Variants in DHX57 observed in about 807,000 individuals in gnomAD.
DHX57 encodes DExH-box helicase 57.
DHX57 carries 105 observed loss-of-function variants against 156.2 expected under a neutral mutation model. The observed-to-expected ratio is 0.67, with a 90% CI of 0.57 to 0.79. The LOEUF (loss-of-function observed/expected upper bound fraction) is 0.79. Among genes scored for constraint, DHX57 ranks in the 30% least tolerant of loss-of-function variants. The pLI, the probability that DHX57 is intolerant of heterozygous loss-of-function variation, is 0.00. For synonymous variants in DHX57, 704 were observed against 595.6 expected, an observed-to-expected ratio of 1.18 and a Z score of -2.65; for missense variants, 1,847 against 1,661.9, an observed-to-expected ratio of 1.11 and a Z score of -1.94.
chr2:38,850,965 T>C (rs577484025), intron 9 of DHX57, among the ~76,000 whole-genome samples: 1 of 151,990 alleles, frequency 6.6e-6, no homozygotes, highest in African/African-American at 2.4e-5. Flanking sequence ...TAGTTGCGGC[T>C]ACTTGGGAGG....
At chr2:38,815,071 C>CT (rs370170763) in intron 20 of DHX57, among the ~76,000 whole-genome samples, 28,357 of 144,312 alleles carry the variant, frequency 0.2, 3,341 homozygotes, top group Admixed American at 0.26. Context: ...TTTTTTTATA[C>CT]TTTTTTTTTT....
intron 14 of DHX57, among the ~76,000 whole-genome samples, chr2:38,827,234 GA>G: frequency 6.6e-6 from 1 of 151,638 alleles, no homozygotes; most frequent in Non-Finnish European, 1.5e-5. Flanking sequence ...ACCAACTTGG[GA>G]AAAATGTTGG....
At chr2:38,848,729 A>G (rs754002815) in intron 9 of DHX57, among the ~76,000 whole-genome samples, 2 of 152,214 alleles carry the variant, frequency 1.3e-5, no homozygotes. Context: ...TATATACCTT[A>G]TATACACAGC....
At chr2:38,842,956 A>G (rs538033637) in intron 12 of DHX57, 49 bp downstream of exon 12, 3 of 1,572,410 alleles carry the variant, frequency 1.9e-6, no homozygotes, top group South Asian at 2.2e-5. Context: ...AAGAAAGAAT[A>G]CTAGAAATCT....
intron 22 of DHX57, 43 bp from the exon 23 acceptor site, chr2:38,802,958 A>C (rs749308408): frequency 6.2e-7 from 1 of 1,609,046 alleles, no homozygotes; most frequent in South Asian, 1.1e-5. Flanking sequence ...TGTCACTGGC[A>C]ACAAAAAGGG....
intron 23 of DHX57, among the ~76,000 whole-genome samples, chr2:38,799,881 C>T (rs1242394387): frequency 2.0e-5 from 3 of 151,772 alleles, no homozygotes; most frequent in African/African-American, 2.4e-5. Flanking sequence ...GGTGAAACTC[C>T]GTCTCTAATA....
chr2:38,840,810 G>C (rs952467459), intron 12 of DHX57, among the ~76,000 whole-genome samples: 4 of 151,952 alleles, frequency 2.6e-5, no homozygotes, highest in African/African-American at 9.7e-5. Context: ...CCAAAATTTT[G>C]AAAGAAGCCA....
intron 10 of DHX57, among the ~76,000 whole-genome samples, chr2:38,847,296 C>T (rs1301291369): frequency 1.3e-5 from 2 of 152,252 alleles, no homozygotes; most frequent in East Asian, 3.9e-4. Context: ...TGATCCTTTG[C>T]TAAGACTTTT....
At chr2:38,799,437 CAA>C (rs772099726) in intron 23 of DHX57, among the ~76,000 whole-genome samples, 7 of 95,630 alleles carry the variant, frequency 7.3e-5, no homozygotes, top group Non-Finnish European at 9.6e-5. Flanking sequence ...CTTGTTGTCT[CAA>C]AAAAAAAAAA....
In DHX57 at chr2:38,798,276, C is replaced by G; in HGVS notation, c.*23G>C. On this transcript the variant is annotated 3_prime_UTR_variant, in exon 24 of 24. Transcript: ENST00000457308. The stretch of plus-strand genomic sequence containing the variant: ...AGGTGAGCTAGAAGCAGGTGAGTAG[C>G]AAGCACTCTCTAAGACTGCTTTTTA... 1 of 1,600,150 alleles carries G rather than the reference C, an allele frequency of 6.2e-7. No individual in the cohort carries two copies. Among genetic ancestry groups the G allele is most frequent in the Non-Finnish European group, 8.5e-7 (1 of 1,174,612 alleles).
chr2:38,859,090 G>A (rs761289469), intron 5 of DHX57, among the ~76,000 whole-genome samples: 7 of 152,150 alleles, frequency 4.6e-5, no homozygotes, highest in African/African-American at 7.2e-5. Context: ...TCAACTGTAC[G>A]CAAGTGTCCC....
chr2:38,871,772 T>C (rs1320128612), intron 1 of DHX57, among the ~76,000 whole-genome samples: 1 of 151,144 alleles, frequency 6.6e-6, no homozygotes, highest in East Asian at 1.9e-4. Flanking sequence ...AGTAGCGTGG[T>C]CTCAGCTTAC....
chr2:38,800,353 CAAAA>C (rs960588254), intron 23 of DHX57, among the ~76,000 whole-genome samples: 1 of 142,504 alleles, frequency 7.0e-6, no homozygotes, highest in African/African-American at 2.6e-5. Flanking sequence ...GACTCCACCT[CAAAA>C]AAAAAAATAA....
chr2:38,831,454 C>T (rs188756773), intron 13 of DHX57, among the ~76,000 whole-genome samples: 84 of 152,000 alleles, frequency 5.5e-4, no homozygotes, highest in African/African-American at 1.8e-3. Context: ...CTCAGCCTCC[C>T]GACTAGCTGG....
chr2:38,824,045 T>A (rs185290448), intron 16 of DHX57, among the ~76,000 whole-genome samples: 3 of 151,582 alleles, frequency 2.0e-5, no homozygotes, highest in African/African-American at 7.3e-5. Context: ...AGAACAGAGA[T>A]ACTTGCACTC....
At chr2:38,875,580 C>T (rs1429561207) in intron 1 of DHX57, among the ~76,000 whole-genome samples, 1 of 152,122 alleles carries the variant, frequency 6.6e-6, no homozygotes, top group East Asian at 1.9e-4. Flanking sequence ...AGCGGCAGAG[C>T]CCGCCTTGGT....
chr2:38,836,775 CAAA>C (rs964200602), intron 13 of DHX57, among the ~76,000 whole-genome samples: 6 of 42,450 alleles, frequency 1.4e-4, no homozygotes, highest in Admixed American at 4.4e-4. Flanking sequence ...GACCCTGTCT[CAAA>C]AAAAAAAAAA....
In DHX57 at chr2:38,843,280, T is replaced by C. The variant is rs1040232050; in HGVS notation, c.2220-70A>G. The stretch of plus-strand genomic sequence containing the variant: ...GGTGAGGAGGGAAAGAATTCACCTG[T>C]TTCACGTGCTCGTTCAGCAAAATGT... On this transcript the variant is annotated intron_variant, in intron 11 of 23. Coordinates refer to ENST00000457308, the MANE Select transcript of DHX57 (RefSeq NM_198963.3). The C allele has an allele frequency of 4.0e-6, 6 of 1,499,440 alleles. No individual in the cohort carries two copies. The African/African-American group carries it at 8.3e-5, about 21-fold the overall frequency. 92.9% of individuals were successfully genotyped at this position (1,499,440 alleles called of 1,614,324 possible). A position where few individuals can be genotyped will look rare whatever the true frequency, so the allele number is the denominator to read the frequency against.
chr2:38,811,217 T>C (rs1670227875), intron 21 of DHX57: 2 of 493,796 alleles, frequency 4.1e-6, no homozygotes, highest in South Asian at 3.5e-5. Flanking sequence ...GCCCTTGGAC[T>C]GGTTGTAGAA....
Sources: gnomAD v4.1 joint callset for allele counts (sites outside exome capture counted in the v4.1 genomes callset) on GRCh38, gnomAD v4.1.1 for gene constraint, MANE v1.5 for transcripts, NCBI Gene and HGNC (gene_info 2026-07-23, HGNC 2026-07-21) for gene names.